The following MTUS1 variants were observed in gnomAD, a reference collection of about 807,000 sequenced individuals.
MTUS1 encodes microtubule associated scaffold protein 1, also known as microtubule-associated tumor suppressor 1.
Under a neutral mutation model 120.8 loss-of-function variants are expected in MTUS1, and 109 were observed. The observed-to-expected ratio is 0.90, with a 90% CI of 0.77 to 1.06. The LOEUF is 1.06. Among genes scored for constraint, MTUS1 ranks in the 50% least tolerant of loss-of-function variants. The pLI is 0.00. For missense variants in MTUS1, 2,210 were observed against 1,486.3 expected, an observed-to-expected ratio of 1.49 and a Z score of -8.01; for synonymous variants, 737 against 550.5, an observed-to-expected ratio of 1.34 and a Z score of -4.74.
intron 1 of MTUS1, among the ~76,000 whole-genome samples, chr8:17,782,983 C>T (rs2050996862): frequency 6.6e-6 from 1 of 152,184 alleles, no homozygotes; most frequent in African/African-American, 2.4e-5. Context: ...GAGGCTGAGG[C>T]AGGAGAATCG....
intron 2 of MTUS1, among the ~76,000 whole-genome samples, chr8:17,750,055 C>T (rs1422471726): frequency 6.6e-6 from 1 of 152,170 alleles, no homozygotes; most frequent in African/African-American, 2.4e-5. Flanking sequence ...CTCTAAAATC[C>T]GTGCTTGTAA....
intron 13 of MTUS1, among the ~76,000 whole-genome samples, chr8:17,649,536 AGATATTTAAACAT>A (rs1467107227): frequency 6.6e-6 from 1 of 152,222 alleles, no homozygotes; most frequent in Non-Finnish European, 1.5e-5. Context: ...GATTTTACAT[AGATATTTAAACAT>A]TTTTCTTATG....
At chr8:17,799,896 ATCTTT>A (rs1484666504) in intron 1 of MTUS1, among the ~76,000 whole-genome samples, 1 of 152,094 alleles carries the variant, frequency 6.6e-6, no homozygotes, top group Non-Finnish European at 1.5e-5. Flanking sequence ...TGTAGTTCTA[ATCTTT>A]TCTTTGTATA....
At chr8:17,673,295 G>A (rs1016715931) in intron 8 of MTUS1, among the ~76,000 whole-genome samples, 1 of 151,686 alleles carries the variant, frequency 6.6e-6, no homozygotes, top group Non-Finnish European at 1.5e-5. Context: ...TTGGGATTCT[G>A]AAGTTTCCAT....
chr8:17,696,069 C>G (rs1198797960), intron 6 of MTUS1, among the ~76,000 whole-genome samples: 1 of 152,092 alleles, frequency 6.6e-6, no homozygotes, highest in African/African-American at 2.4e-5. Flanking sequence ...TATAGGGCAC[C>G]CTTTGTTATT....
At chr8:17,672,931 T>C (rs963942099) in intron 8 of MTUS1, among the ~76,000 whole-genome samples, 1 of 152,162 alleles carries the variant, frequency 6.6e-6, no homozygotes, top group African/African-American at 2.4e-5. Context: ...TCCACTAAAA[T>C]GTAAAAAGAG....
intron 6 of MTUS1, among the ~76,000 whole-genome samples, chr8:17,695,478 C>T (rs1563217870): frequency 6.6e-6 from 1 of 152,152 alleles, no homozygotes; most frequent in Non-Finnish European, 1.5e-5. Context: ...ATTATGACTG[C>T]AAATAAACAG....
Position 17,675,163 on chromosome 8 carries a change from C to T in MTUS1, c.2905+23G>A, listed in dbSNP as rs376478057. 135 of 1,612,956 alleles carry T rather than the reference C, an allele frequency of 8.4e-5. No individual in the cohort carries two copies. In the Admixed American group the frequency reaches 1.1e-3, roughly 13 times the overall value. Reference sequence around the variant, plus strand: ...GTTCCCCTTGTCCCATAAAATTTAACAACAACAACAAAAAGCTCTTACCTA... The same window carrying T: ...GTTCCCCTTGTCCCATAAAATTTAATAACAACAACAAAAAGCTCTTACCTA... On this transcript the variant is annotated intron_variant, in intron 8 of 14. Coordinates refer to ENST00000693296, the MANE Select transcript of MTUS1 (RefSeq NM_001363059.2).
intron 3 of MTUS1, among the ~76,000 whole-genome samples, chr8:17,735,775 T>C (rs775206950): frequency 3.3e-5 from 5 of 152,274 alleles, no homozygotes; most frequent in Non-Finnish European, 7.3e-5. Flanking sequence ...TAAACACCTG[T>C]TGTGCAACCA....
At chr8:17,780,555 A>G (rs1328718417) in intron 1 of MTUS1, among the ~76,000 whole-genome samples, 2 of 152,056 alleles carry the variant, frequency 1.3e-5, no homozygotes, top group Non-Finnish European at 2.9e-5. Context: ...AGGAGTCAGC[A>G]ATAATCTGCC....
intron 1 of MTUS1, among the ~76,000 whole-genome samples, chr8:17,768,555 C>G (rs764742224): frequency 4.6e-5 from 7 of 151,504 alleles, no homozygotes; most frequent in Non-Finnish European, 1.0e-4. Context: ...TTAAAATGAC[C>G]TCAACAAAAA....
rs987617675 is a variant in MTUS1, at chr8:17,760,201, G to A, written c.-154-4240C>T. Among the ~76,000 whole-genome samples, 3 of 151,716 alleles carry A rather than the reference G, an allele frequency of 2.0e-5. No individual in the cohort carries two copies. In the South Asian group the frequency reaches 6.2e-4, roughly 32 times the overall value. ...ACCACACTTCAGCCTGGGTGACAGGGACCCTATCACTATTAAAAGAAAACA... is the reference window on the plus strand; with the variant it reads ...ACCACACTTCAGCCTGGGTGACAGGAACCCTATCACTATTAAAAGAAAACA... On this transcript the variant is annotated intron_variant, in intron 1 of 14. Transcript: ENST00000693296.
At chr8:17,800,148 T>C (rs563880502) in intron 1 of MTUS1, among the ~76,000 whole-genome samples, 20 of 152,254 alleles carry the variant, frequency 1.3e-4, no homozygotes, top group African/African-American at 4.6e-4. Context: ...AGGTCACTGG[T>C]TCCCAGGAAG....
upstream of MTUS1, chr8:17,801,213 C>A (rs1586489745): frequency 6.6e-6 from 1 of 151,702 alleles, no homozygotes; most frequent in African/African-American, 2.4e-5. Context: ...CCACCCCACG[C>A]CTGCGGCGGC....
At chr8:17,655,827 A>G (rs752507033) in intron 9 of MTUS1, 36 bp downstream of exon 9, 7 of 1,583,428 alleles carry the variant, frequency 4.4e-6, no homozygotes, top group Non-Finnish European at 6.1e-6. Flanking sequence ...TAAGCAGCAG[A>G]GGCCTCAGAC....
chr8:17,708,327 T>C (rs572481059), intron 6 of MTUS1, among the ~76,000 whole-genome samples: 23 of 152,320 alleles, frequency 1.5e-4, no homozygotes, highest in Middle Eastern at 3.4e-3. Context: ...GATATACAAA[T>C]GGCCAGTAAG....
intron 1 of MTUS1, chr8:17,800,725 G>A (rs1261453672): frequency 6.6e-6 from 1 of 152,234 alleles, no homozygotes; most frequent in Non-Finnish European, 1.5e-5. Context: ...GGCCCCGCTT[G>A]CTTCTGCTGA....
intron 8 of MTUS1, among the ~76,000 whole-genome samples, chr8:17,672,785 C>T (rs1398902027): frequency 6.6e-6 from 1 of 152,216 alleles, no homozygotes; most frequent in Non-Finnish European, 1.5e-5. Context: ...AGAAGCAGTG[C>T]ACCAGGACAG....
intron 3 of MTUS1, among the ~76,000 whole-genome samples, chr8:17,735,831 G>A (rs1294968181): frequency 6.6e-6 from 1 of 152,228 alleles, no homozygotes; most frequent in African/African-American, 2.4e-5. Flanking sequence ...ACTAAGAGCT[G>A]AACTCTATCC....
Sources: allele counts gnomAD v4.1 joint callset (sites outside exome capture counted in the v4.1 genomes callset), GRCh38; gene constraint gnomAD v4.1.1; transcripts MANE v1.5; gene names NCBI Gene and HGNC (gene_info 2026-07-23, HGNC 2026-07-21).